UST: variants seen among roughly 807,000 people sequenced by gnomAD.
UST encodes the protein chondroitin sulfate 2-O-sulfotransferase.
UST carries 21 observed loss-of-function variants against 45.6 expected under a neutral mutation model. The ratio of observed to expected loss-of-function variants is 0.46; its 90% CI spans 0.33 to 0.66. UST has a LOEUF of 0.66. Ranked by LOEUF, UST falls within the 30% of genes least tolerant of loss-of-function variation. The pLI is 0.02. For synonymous variants in UST, 215 were observed against 200.6 expected (o/e 1.07, Z -0.61); for missense variants, 463 against 512.4 (o/e 0.90, Z 0.93).
intron 3 of UST, among the ~76,000 whole-genome samples, chr6:148,945,320 C>CCTTGGCT (rs1036630586): frequency 6.6e-6 from 1 of 152,156 alleles, no homozygotes; most frequent in Non-Finnish European, 1.5e-5. Flanking sequence ...TGGCCTTGAA[C>CCTTGGCT]CTAGGCCTTC....
At chr6:148,956,014 T>C (rs1026860905) in intron 4 of UST, 1 of 152,188 alleles carries the variant, frequency 6.6e-6, no homozygotes, top group Non-Finnish European at 1.5e-5. Flanking sequence ...GATAAATGCC[T>C]TTTAGAAGAT....
intron 2 of UST, among the ~76,000 whole-genome samples, chr6:148,923,819 T>G (rs544691676): frequency 6.6e-6 from 1 of 152,296 alleles, no homozygotes; most frequent in East Asian, 1.9e-4. Context: ...ACAACTGTAC[T>G]TGGATTGTAG....
chr6:149,076,857 C>T lies in UST; in HGVS notation c.*2741C>T, dbSNP rs1582988867. On this transcript the variant is annotated 3_prime_UTR_variant, in exon 8 of 8. Transcript: ENST00000367463. ...ACCTTCAGCCTACTTTCTTGAGTGC[C>T]GTAAAAGTGCTTGTAAATCTTTTTT... The T allele has an allele frequency of 5.4e-5, 8 of 148,248 alleles. No individual in the cohort carries two copies. The highest frequency in any genetic ancestry group is 4.0e-4 in the Admixed American group (6 of 14,824). The allele number at this position is 148,248 out of a possible 1,614,324, so 9.2% of individuals were successfully genotyped here. A position where few individuals can be genotyped will look rare whatever the true frequency, so the allele number is the denominator to read the frequency against.
chr6:148,916,338 AT>A (rs1779589905), intron 2 of UST, among the ~76,000 whole-genome samples: 1 of 152,208 alleles, frequency 6.6e-6, no homozygotes, highest in South Asian at 2.1e-4. Flanking sequence ...CTGTATTGTA[AT>A]AGATCCACCG....
intron 7 of UST, among the ~76,000 whole-genome samples, chr6:149,072,619 C>T (rs1562346348): frequency 1.3e-5 from 2 of 150,214 alleles, no homozygotes; most frequent in Admixed American, 1.3e-4. Context: ...CGCCATTGCA[C>T]TCCAGCCTGG....
chr6:148,968,459 G>C (rs962540529), intron 5 of UST, among the ~76,000 whole-genome samples: 1 of 152,226 alleles, frequency 6.6e-6, no homozygotes, highest in African/African-American at 2.4e-5. Context: ...AGAGCTGGAA[G>C]CTCCCCAGTG....
chr6:148,965,531 C>T lies in UST; in HGVS notation c.681+968C>T, dbSNP rs376210544. ...TGATGTGCCGTCAGCAGCAGCCTTG[C>T]CGCTGGAGAAAAGCACCGAATCTCA... On this transcript the variant is annotated intron_variant, in intron 5 of 7. Coordinates refer to ENST00000367463, the MANE Select transcript of UST (RefSeq NM_005715.3). Among the ~76,000 whole-genome samples, 10 of 152,314 alleles carry T rather than the reference C, an allele frequency of 6.6e-5. 2 individuals are homozygous for T. The highest frequency in any genetic ancestry group is 3.9e-4 in the East Asian group (2 of 5,172).
chr6:148,917,319 A>G (rs746734376), intron 2 of UST, among the ~76,000 whole-genome samples: 9 of 152,226 alleles, frequency 5.9e-5, no homozygotes, highest in Non-Finnish European at 4.4e-5. Flanking sequence ...CCTAGTACAC[A>G]GGGCCATGCA....
At chr6:148,873,827 G>C (rs1309893188) in intron 1 of UST, among the ~76,000 whole-genome samples, 1 of 152,074 alleles carries the variant, frequency 6.6e-6, no homozygotes, top group Non-Finnish European at 1.5e-5. Context: ...GATCACTGAT[G>C]ATGAGAATGA....
Position 148,927,540 on chromosome 6 carries a change from C to T in UST, c.292-13739C>T, listed in dbSNP as rs146274216. Among the ~76,000 whole-genome samples, 945 of 152,158 alleles carry T rather than the reference C, an allele frequency of 6.2e-3. 9 individuals carry two copies. The highest frequency in any genetic ancestry group is 0.024 in the Middle Eastern group (7 of 294). On this transcript the variant is annotated intron_variant, in intron 2 of 7. Transcript: ENST00000367463. ...AGACTTTGAACAAGTTATTTAATCCCCCTAATTCCCAGCCTTTTCTTCTTT... is the reference window on the plus strand; with the variant it reads ...AGACTTTGAACAAGTTATTTAATCCTCCTAATTCCCAGCCTTTTCTTCTTT...
At chr6:148,803,407 A>G (rs1777087106) in intron 1 of UST, among the ~76,000 whole-genome samples, 1 of 152,198 alleles carries the variant, frequency 6.6e-6, no homozygotes, top group African/African-American at 2.4e-5. Flanking sequence ...ATCAACCCTA[A>G]CAGAAATTTA....
intron 1 of UST, among the ~76,000 whole-genome samples, chr6:148,750,681 C>T (rs950180686): frequency 2.6e-5 from 4 of 152,142 alleles, no homozygotes; most frequent in Admixed American, 6.5e-5. Context: ...TCCATAATTC[C>T]ACTTTCCTTT....
chr6:148,788,325 T>C (rs1776773714), intron 1 of UST, among the ~76,000 whole-genome samples: 1 of 152,088 alleles, frequency 6.6e-6, no homozygotes, highest in African/African-American at 2.4e-5. Context: ...CCAAACCATA[T>C]CATCGTTCAA....
chr6:148,875,839 G>T (rs958361451), intron 1 of UST, among the ~76,000 whole-genome samples: 28 of 152,116 alleles, frequency 1.8e-4, no homozygotes, highest in African/African-American at 6.3e-4. Context: ...AAATATGACT[G>T]GTAAAATTTG....
intron 7 of UST, among the ~76,000 whole-genome samples, chr6:149,050,871 GTGAC>G (rs1334104895): frequency 2.0e-5 from 3 of 152,220 alleles, no homozygotes; most frequent in African/African-American, 7.2e-5. Flanking sequence ...GGACTATGGT[GTGAC>G]TGACTATTTT....
chr6:148,933,485 A>G (rs1779960578), intron 2 of UST, among the ~76,000 whole-genome samples: 1 of 152,228 alleles, frequency 6.6e-6, no homozygotes, highest in Admixed American at 6.5e-5. Context: ...CCAAAGGTTC[A>G]GATTTGGCAT....
intron 5 of UST, among the ~76,000 whole-genome samples, chr6:149,018,815 C>T (rs1020423962): frequency 2.0e-5 from 3 of 152,036 alleles, no homozygotes; most frequent in Admixed American, 1.3e-4. Context: ...CAACTGGTGG[C>T]GCCACCACGA....
At chr6:148,808,599 G>A (rs551756495) in intron 1 of UST, among the ~76,000 whole-genome samples, 16 of 152,148 alleles carry the variant, frequency 1.1e-4, no homozygotes, top group Admixed American at 3.3e-4. Flanking sequence ...CCCAGCAGGA[G>A]ATGGCTTTTG....
At chr6:148,900,454 G>T (rs1779228166) in intron 2 of UST, among the ~76,000 whole-genome samples, 1 of 152,162 alleles carries the variant, frequency 6.6e-6, no homozygotes, top group Non-Finnish European at 1.5e-5. Context: ...AGTCTCACGA[G>T]ATCTGATGGT....
Sources: gnomAD v4.1 joint callset for allele counts (sites outside exome capture counted in the v4.1 genomes callset) on GRCh38, gnomAD v4.1.1 for gene constraint, MANE v1.5 for transcripts, NCBI Gene and HGNC (gene_info 2026-07-23, HGNC 2026-07-21) for gene names.